Variants in OBSL1 observed in about 807,000 individuals in gnomAD.
The protein encoded by OBSL1 is obscurin-like protein 1.
A neutral mutation model predicts 172.0 loss-of-function variants in OBSL1; 160 were observed. The observed-to-expected ratio is 0.93, with a 90% CI of 0.82 to 1.06. OBSL1 has a LOEUF of 1.06. Ranked by LOEUF, OBSL1 falls within the 50% of genes least tolerant of loss-of-function variation. The probability of loss-of-function intolerance (pLI) is 0.00; values close to 1 mark genes in which losing one functional copy is unlikely to be tolerated. For missense variants in OBSL1, 2,681 were observed against 2,715.4 expected, an observed-to-expected ratio of 0.99 and a Z score of 0.28; for synonymous variants, 1,200 against 1,196.3, an observed-to-expected ratio of 1.00 and a Z score of -0.06.
At position 219,567,322 on chromosome 2, in the gene OBSL1, G is replaced by T. The variant is rs184273178; in HGVS notation, c.1788C>A (p.Ser596Arg). 1.2e-6 allele frequency: 2 copies of T among 1,606,898 alleles called. No homozygotes were observed. The change falls in exon 4 of 21, where the codon AGC becomes AGA. Residue 596 changes from serine to arginine, a missense_variant. Coordinates refer to ENST00000404537, the MANE Select transcript of OBSL1 (RefSeq NM_015311.3). The part of the protein sequence containing the change: ...GDYRFRICTV[S>R]GHGRSPHVVF... The stretch of plus-strand genomic sequence containing the variant: ...CCACGTGGGGACTACGGCCATGTCC[G>T]CTGACTGTGCAGATGCGGAAGCGGT...
chr2:219,571,316 GTC>G lies in OBSL1; in HGVS notation c.-86_-85del. 1 of 902,300 alleles carries G rather than the reference GTC, an allele frequency of 1.1e-6. No individual in the cohort carries two copies. Among genetic ancestry groups the G allele is most frequent in the Non-Finnish European group, 1.4e-6 (1 of 690,466 alleles). The allele number at this position is 902,300 out of a possible 1,614,324, so 55.9% of individuals were successfully genotyped here. On this transcript the variant is annotated 5_prime_UTR_variant, in exon 1 of 21. Coordinates refer to ENST00000404537, the MANE Select transcript of OBSL1 (RefSeq NM_015311.3). ...GCGAGCCGAGGCCCGGGGCGGCGGG[GTC>G]GGGGCGCGGCTGGGGACTGGGCGCG...
rs1696171100 is a variant in OBSL1 at position 219,558,127 on chromosome 2, G to A, written c.3503-17C>T. The A allele has an allele frequency of 6.2e-7, 1 of 1,612,158 alleles. No homozygotes were observed. The highest frequency in any genetic ancestry group is 8.5e-7 in the Non-Finnish European group (1 of 1,178,942). On this transcript the variant is annotated splice_polypyrimidine_tract_variant and intron_variant, in intron 10 of 20. Coordinates refer to ENST00000404537, the MANE Select transcript of OBSL1 (RefSeq NM_015311.3). ...CTGGAGGCTCTGGAGAAGAGAGGAA[G>A]GTGTCATCCCATGCTTGCCCTTGCC...
chr2:219,562,425 G>T lies in OBSL1; in HGVS notation c.2930C>A (p.Ala977Asp), dbSNP rs1022979232. Residue 977 changes from alanine (A) to aspartate (D), a missense_variant, in exon 8 of 21, where the codon GCC becomes GAC. Ala to Asp is a moderately radical substitution (Grantham distance 126). Transcript: ENST00000404537. ...EYLCEIDDES[A>D]SFTVTVTEPP... ...ACCTGTGACGGTGACAGTGAAGGAG[G>T]CCGACTCATCGTCAATTTCACACAA... 2 of 1,613,764 alleles carry T rather than the reference G, an allele frequency of 1.2e-6. No homozygotes were observed. Among genetic ancestry groups the T allele is most frequent in the Middle Eastern group, 1.6e-4 (1 of 6,062 alleles).
In OBSL1 at chr2:219,567,354, C is replaced by T; in HGVS notation, c.1756G>A (p.Gly586Ser). ...EVPGDCVPSE[G>S]DYRFRICTVS... ...GTGCAGATGCGGAAGCGGTAGTCAC[C>T]CTCGGAGGGCACACAGTCGCCCGGC... Residue 586 changes from glycine (G) to serine (S), a missense_variant, in exon 4 of 21, where the codon GGT (glycine) becomes AGT (serine). Gly to Ser is a moderately conservative substitution (Grantham distance 56). Around this residue, in one of 5 missense-constraint regions of OBSL1, gnomAD observed 706 missense variants for 695.8 expected, o/e 1.01. Transcript: ENST00000404537. 4 of 1,612,500 alleles carry T rather than the reference C, an allele frequency of 2.5e-6. No homozygotes were observed. Among genetic ancestry groups the T allele is most frequent in the Non-Finnish European group, 3.4e-6 (4 of 1,179,184 alleles).
At chr2:219,565,544 C>T (rs973192524) in intron 5 of OBSL1, 30 bp from the exon 6 acceptor site, 1 of 1,592,638 alleles carries the variant, frequency 6.3e-7, no homozygotes, top group East Asian at 2.2e-5. Context: ...GATAAGCACC[C>T]CTCCCTCCGG....
At chr2:219,557,201 C>T (rs1453259556) in intron 12 of OBSL1, 142 bp downstream of exon 12, 2 of 768,340 alleles carry the variant, frequency 2.6e-6, no homozygotes, top group African/African-American at 1.8e-5. Flanking sequence ...GAGCCCTGAG[C>T]CCCTATCCAA....
chr2:219,557,321 G>C lies in OBSL1; in HGVS notation c.4066+22C>G, dbSNP rs996648105. The C allele has an allele frequency of 8.2e-6, 12 of 1,462,996 alleles. No individual in the cohort carries two copies. The Admixed American group carries it at 2.4e-4, about 29-fold the overall frequency. The allele number at this position is 1,462,996 out of a possible 1,614,324, so 90.6% of individuals were successfully genotyped here. A position where few individuals can be genotyped will look rare whatever the true frequency, so the allele number is the denominator to read the frequency against. Reference sequence around the variant, plus strand: ...GTCCTTGGGGTGCCACAGCCCACAGGGTGTGAGGGGTACACTGTTACCTTC... The same window carrying C: ...GTCCTTGGGGTGCCACAGCCCACAGCGTGTGAGGGGTACACTGTTACCTTC... On this transcript the variant is annotated intron_variant, in intron 12 of 20. Transcript: ENST00000404537.
chr2:219,549,469 G>T (rs779787411), downstream of OBSL1: 250 of 1,363,990 alleles, frequency 1.8e-4, no homozygotes, highest in Non-Finnish European at 2.3e-4. Context: ...GTTTGTCCAT[G>T]AACTGTTTGT....
At chr2:219,554,402 G>A (rs1209884461) in intron 15 of OBSL1, 72 bp downstream of exon 15, 16 of 1,544,204 alleles carry the variant, frequency 1.0e-5, no homozygotes, top group Non-Finnish European at 1.3e-5. Context: ...ACGAGTTGGG[G>A]GTCAGTATTC....
At position 219,552,462 on chromosome 2, in the gene OBSL1, T is replaced by TC; in HGVS notation, c.5308+73dup. On this transcript the variant is annotated intron_variant, in intron 18 of 20. Transcript: ENST00000404537. The stretch of plus-strand genomic sequence containing the variant: ...CCGTCGGAGCCAGGGGCGGGGCTTG[T>TC]CCCGGTGGGGCGGGATCTGTTCGAG... 2.1e-6 allele frequency: 3 copies of TC among 1,444,148 alleles called. No homozygotes were observed. The East Asian group carries it at 7.5e-5, about 36-fold the overall frequency. The allele number at this position is 1,444,148 out of a possible 1,614,324, so 89.5% of individuals were successfully genotyped here. A position where few individuals can be genotyped will look rare whatever the true frequency, so the allele number is the denominator to read the frequency against.
chr2:219,555,055 A>ACC lies in OBSL1; in HGVS notation c.4610-316_4610-315insGG. On this transcript the variant is annotated intron_variant, in intron 14 of 20. Transcript: ENST00000404537. ...TTGGAGTCAGACACACTAGGAATGGAACCTCGCTCTACCACATAGTTTGTG... is the reference window on the plus strand; with the variant it reads ...TTGGAGTCAGACACACTAGGAATGGACCACCTCGCTCTACCACATAGTTTGTG... 1.3e-5 allele frequency: 5 copies of ACC among 384,532 alleles called. No individual in the cohort carries two copies. The East Asian group carries it at 2.3e-4, about 18-fold the overall frequency. 23.8% of individuals were successfully genotyped at this position (384,532 alleles called of 1,614,324 possible).
chr2:219,567,026 G>C lies in OBSL1; in HGVS notation c.1938C>G (p.Thr646=). The stretch of plus-strand genomic sequence containing the variant: ...TGAGCTCTTCCCCATTAAGGAACCA[G>C]GTACCCTGGATGATGGTGGAGAGAT... ...SLDLSTIIQG[T]WFLNGEELKS... Residue 646 remains threonine, a synonymous_variant, in exon 5 of 21, where the codon ACC becomes ACG. Coordinates refer to ENST00000404537, the MANE Select transcript of OBSL1 (RefSeq NM_015311.3). 6.2e-7 allele frequency: 1 copy of C among 1,613,660 alleles called. No homozygotes were observed. The highest frequency in any genetic ancestry group is 8.5e-7 in the Non-Finnish European group (1 of 1,179,886).
intron 3 of OBSL1, 54 bp from the exon 4 acceptor site, chr2:219,567,629 C>T: frequency 2.5e-6 from 4 of 1,591,426 alleles, no homozygotes; most frequent in Non-Finnish European, 3.4e-6. Context: ...CACAGCCCTT[C>T]CACCTTAAAT....
At position 219,557,343 on chromosome 2, in the gene OBSL1, C is replaced by T. The variant is rs539305890; in HGVS notation, c.4066G>A (p.Glu1356Lys). Residue 1356 changes from glutamate to lysine, a missense_variant and splice_region_variant, in exon 12 of 21, where the codon GAG (glutamate) becomes AAG (lysine). By Grantham distance (56) the Glu-to-Lys change is moderately conservative (BLOSUM62 1). This residue lies in a region of OBSL1 where 1,765 missense variants were observed against 1,748.3 expected (regional missense o/e 1.01). Coordinates refer to ENST00000404537, the MANE Select transcript of OBSL1 (RefSeq NM_015311.3). ...CAGGGTGTGAGGGGTACACTGTTAC[C>T]TTCCACGCTGACAAGGAAGATGCGG... ...DSRIFLVSVE[E>K]PLLVKLVSEL... is the part of the protein sequence containing the mutation. The T allele has an allele frequency of 1.3e-6, 2 of 1,493,750 alleles. No individual in the cohort carries two copies. The highest frequency in any genetic ancestry group is 1.4e-5 in the African/African-American group (1 of 72,428). The allele number at this position is 1,493,750 out of a possible 1,614,324, so 92.5% of individuals were successfully genotyped here. A position where few individuals can be genotyped will look rare whatever the true frequency, so the allele number is the denominator to read the frequency against.
intron 6 of OBSL1, 51 bp from the exon 7 acceptor site, chr2:219,563,678 C>G: frequency 6.4e-7 from 1 of 1,568,102 alleles, no homozygotes; most frequent in Non-Finnish European, 8.7e-7. Flanking sequence ...CACAATGAGT[C>G]CAAACTAGCT....
At chr2:219,552,082 C>G in intron 19 of OBSL1, 30 bp downstream of exon 19, 1 of 1,562,110 alleles carries the variant, frequency 6.4e-7, no homozygotes, top group Non-Finnish European at 8.7e-7. Flanking sequence ...AGGATGTACA[C>G]TCTCTGTCGC....
Position 219,552,663 on chromosome 2 carries a change from C to T in OBSL1, c.5181G>A (p.Ser1727=), listed in dbSNP as rs1263327277. The change falls in exon 18 of 21, where the codon TCG becomes TCA. Residue 1727 remains serine, a synonymous_variant. Transcript: ENST00000404537. ...RTVAVLSELR[S]VSAREGDGAT... ...CGCCGTCGCCTTCGCGGGCGCTCAC[C>T]GACCGCAGCTCGGAGAGTACCGCCA... The T allele has an allele frequency of 6.5e-7, 1 of 1,540,074 alleles. No individual in the cohort carries two copies. Among genetic ancestry groups the T allele is most frequent in the Non-Finnish European group, 8.7e-7 (1 of 1,146,830 alleles).
At chr2:219,552,379 AGGGGCTG>A in intron 18 of OBSL1, 150 bp downstream of exon 18, 1 of 771,688 alleles carries the variant, frequency 1.3e-6, no homozygotes. Flanking sequence ...GTCCGGGACT[AGGGGCTG>A]GGGGCGGGGG....
chr2:219,556,762 TTTC>T, intron 12 of OBSL1, 39 bp from the exon 13 acceptor site: 1 of 1,536,996 alleles, frequency 6.5e-7, no homozygotes, highest in Non-Finnish European at 8.8e-7. Flanking sequence ...GGCTGAGTCT[TTTC>T]TTCTCTCTCC....
Sources: allele counts gnomAD v4.1 joint callset, GRCh38; gene constraint gnomAD v4.1.1; regional missense constraint gnomAD v4.1.1; transcripts MANE v1.5; gene names NCBI Gene and HGNC (gene_info 2026-07-23, HGNC 2026-07-21).